Variants in UBASH3A observed in about 807,000 individuals in gnomAD.
UBASH3A encodes the protein ubiquitin-associated and SH3 domain-containing protein A.
In UBASH3A, 63 loss-of-function variants were observed where a neutral mutation model predicts 73.5. The ratio of observed to expected loss-of-function variants is 0.86; its 90% CI spans 0.70 to 1.06. UBASH3A has a LOEUF of 1.06. Among genes scored for constraint, UBASH3A ranks in the 50% least tolerant of loss-of-function variants. The probability of loss-of-function intolerance (pLI) is 0.00; values close to 1 mark genes in which losing one functional copy is unlikely to be tolerated. For synonymous variants in UBASH3A, 363 were observed against 351.1 expected, an observed-to-expected ratio of 1.03 and a Z score of -0.38; for missense variants, 860 against 859.0, an observed-to-expected ratio of 1.00 and a Z score of -0.02.
chr21:42,413,185 C>A lies in UBASH3A; in HGVS notation c.516C>A (p.Phe172Leu). Residue 172 changes from phenylalanine (F) to leucine (L), a missense_variant, in exon 4 of 15, where the codon TTC becomes TTA. Phe to Leu is a conservative substitution (Grantham distance 22). Coordinates refer to ENST00000319294, the MANE Select transcript of UBASH3A (RefSeq NM_018961.4). The surrounding 1 kb of genome is among the most constrained non-coding windows in gnomAD (Gnocchi z 4.5). Reference sequence around the variant, plus strand: ...GCCCCGCAGACGTCATCCGGGAATTCGCCATGACCTTCGCCACGGAAGCAT... The same window carrying A: ...GCCCCGCAGACGTCATCCGGGAATTAGCCATGACCTTCGCCACGGAAGCAT... ...SGSPADVIRE[F>L]AMTFATEASL... 1 of 1,614,232 alleles carries A rather than the reference C, an allele frequency of 6.2e-7. No individual in the cohort carries two copies. Among genetic ancestry groups the A allele is most frequent in the Non-Finnish European group, 8.5e-7 (1 of 1,180,040 alleles).
chr21:42,442,355 C>T (rs2053761536), intron 11 of UBASH3A, 97 bp from the exon 12 acceptor site: 4 of 1,219,086 alleles, frequency 3.3e-6, no homozygotes, highest in Admixed American at 2.0e-5. Flanking sequence ...ATGATTTAGA[C>T]GTGTGTGTGA....
chr21:42,405,626 C>T (rs951208480), intron 1 of UBASH3A, among the ~76,000 whole-genome samples: 15 of 152,202 alleles, frequency 9.9e-5, no homozygotes, highest in African/African-American at 2.7e-4. Flanking sequence ...TCCTCATGGA[C>T]GCCCGCTGTT....
In UBASH3A at chr21:42,413,180, G is replaced by C. The variant is rs1375755082; in HGVS notation, c.511G>C (p.Glu171Gln). The C allele has an allele frequency of 1.2e-6, 2 of 1,614,218 alleles. No individual in the cohort carries two copies. Among genetic ancestry groups the C allele is most frequent in the Non-Finnish European group, 1.7e-6 (2 of 1,180,046 alleles). The change falls in exon 4 of 15, where the codon GAA becomes CAA. Residue 171 changes from glutamate (E) to glutamine (Q), a missense_variant. Physicochemically the swap from Glu to Gln is conservative, Grantham distance 29 (BLOSUM62 2). Transcript: ENST00000319294. This position sits in a 1 kb window ranked among gnomAD's most constrained non-coding sequence, Gnocchi z 4.5. ...TGGCAGCCCCGCAGACGTCATCCGGGAATTCGCCATGACCTTCGCCACGGA... is the reference window on the plus strand; with the variant it reads ...TGGCAGCCCCGCAGACGTCATCCGGCAATTCGCCATGACCTTCGCCACGGA... ...VSGSPADVIR[E>Q]FAMTFATEAS...
At position 42,416,567 on chromosome 21, in the gene UBASH3A, A is replaced by G; in HGVS notation, c.793A>G (p.Thr265Ala). The change falls in exon 6 of 15, where the codon ACC (threonine) becomes GCC (alanine). Residue 265 changes from threonine (T) to alanine (A), a missense_variant. Physicochemically the swap from Thr to Ala is moderately conservative, Grantham distance 58 (BLOSUM62 0). Transcript: ENST00000319294. ...CCCCCTGGGCCACAGCTGCCAGTGGACCGCAGCACTCTACTCCCGAGACAT... is the reference window on the plus strand; with the variant it reads ...CCCCCTGGGCCACAGCTGCCAGTGGGCCGCAGCACTCTACTCCCGAGACAT... ...AIPLGHSCQWTAALYSRDMRF... is the reference protein window; with the variant it reads ...AIPLGHSCQWAAALYSRDMRF... The G allele has an allele frequency of 1.2e-6, 2 of 1,608,268 alleles. No homozygotes were observed. The highest frequency in any genetic ancestry group is 1.1e-5 in the South Asian group (1 of 90,032).
chr21:42,409,345 A>C, intron 2 of UBASH3A, 77 bp from the exon 3 acceptor site: 1 of 1,419,084 alleles, frequency 7.0e-7, no homozygotes, highest in Non-Finnish European at 9.5e-7. Context: ...TGTCATTGTC[A>C]TTCTGTTGTG....
intron 13 of UBASH3A, 143 bp from the exon 14 acceptor site, chr21:42,444,391 C>A (rs1323802277): frequency 5.8e-6 from 4 of 693,226 alleles, no homozygotes; most frequent in Non-Finnish European, 1.0e-5. Context: ...CGGTTACCAG[C>A]CACACTACTT....
In UBASH3A at chr21:42,432,099, C is replaced by G. The variant is rs747885284; in HGVS notation, c.1171-4C>G. The G allele has an allele frequency of 3.7e-6, 6 of 1,607,674 alleles. No individual in the cohort carries two copies. The highest frequency in any genetic ancestry group is 1.3e-5 in the African/African-American group (1 of 74,790). ...TGTGCCTTGCTTCCTGCCCCACCCC[C>G]CAGGCTACCGTTGCAAGGAAGAGCG... On this transcript the variant is annotated splice_region_variant and splice_polypyrimidine_tract_variant and intron_variant, in intron 8 of 14. Coordinates refer to ENST00000319294, the MANE Select transcript of UBASH3A (RefSeq NM_018961.4).
At chr21:42,422,697 A>T (rs1384778813) in intron 7 of UBASH3A, among the ~76,000 whole-genome samples, 2 of 152,262 alleles carry the variant, frequency 1.3e-5, no homozygotes, top group Admixed American at 1.3e-4. Flanking sequence ...AATTTTATAT[A>T]TTGATTTGAA....
At position 42,417,797 on chromosome 21, in the gene UBASH3A, A is replaced by G. The variant is rs145937467; in HGVS notation, c.838-604A>G. 1.5e-4 allele frequency among the ~76,000 whole-genome samples: 22 copies of G among 151,708 alleles called. No homozygotes were observed. The East Asian group carries it at 4.1e-3, about 28-fold the overall frequency. ...TGTGAAAGTCTGCTTATGCCTTCAGATCTTTTGTAGACAAAAAAGTACCTA... is the reference window on the plus strand; with the variant it reads ...TGTGAAAGTCTGCTTATGCCTTCAGGTCTTTTGTAGACAAAAAAGTACCTA... On this transcript the variant is annotated intron_variant, in intron 6 of 14. Coordinates refer to ENST00000319294, the MANE Select transcript of UBASH3A (RefSeq NM_018961.4).
intron 9 of UBASH3A, among the ~76,000 whole-genome samples, chr21:42,433,042 A>T (rs191001923): frequency 6.6e-6 from 1 of 152,364 alleles, no homozygotes; most frequent in African/African-American, 2.4e-5. Flanking sequence ...CACCTTGTCC[A>T]TGGTGGGGAG....
At chr21:42,437,625 G>T (rs764117667) in intron 11 of UBASH3A, 45 bp downstream of exon 11, 1 of 1,553,622 alleles carries the variant, frequency 6.4e-7, no homozygotes, top group Non-Finnish European at 8.9e-7. Flanking sequence ...CTTGACCTTG[G>T]GGCTATTCTC....
chr21:42,432,029 G>A, intron 8 of UBASH3A, 74 bp from the exon 9 acceptor site: 2 of 851,726 alleles, frequency 2.3e-6, no homozygotes, highest in Non-Finnish European at 3.9e-6. Flanking sequence ...GTGACTGGGA[G>A]AGCTGCCATT....
At chr21:42,422,987 T>C (rs192410684) in intron 7 of UBASH3A, among the ~76,000 whole-genome samples, 1 of 152,346 alleles carries the variant, frequency 6.6e-6, no homozygotes, top group Non-Finnish European at 1.5e-5. Flanking sequence ...TCATAATGTT[T>C]AAATGTATGA....
At chr21:42,428,121 G>A (rs1049439716) in intron 8 of UBASH3A, among the ~76,000 whole-genome samples, 4 of 152,122 alleles carry the variant, frequency 2.6e-5, no homozygotes, top group South Asian at 2.1e-4. Flanking sequence ...GGACACCACC[G>A]GCAAGCCCCA....
intron 3 of UBASH3A, among the ~76,000 whole-genome samples, chr21:42,411,320 A>G (rs1046889752): frequency 2.0e-5 from 3 of 151,712 alleles, no homozygotes; most frequent in African/African-American, 7.3e-5. Context: ...CACACACAGG[A>G]ATACACAGAT....
At chr21:42,440,232 C>G (rs1038327195) in intron 11 of UBASH3A, among the ~76,000 whole-genome samples, 6 of 152,198 alleles carry the variant, frequency 3.9e-5, no homozygotes, top group Middle Eastern at 3.2e-3. Flanking sequence ...CAGGACGTGG[C>G]CTTTCCAGCT....
intron 5 of UBASH3A, among the ~76,000 whole-genome samples, chr21:42,415,294 T>G (rs2053179021): frequency 6.6e-6 from 1 of 151,968 alleles, no homozygotes; most frequent in African/African-American, 2.4e-5. Context: ...CCCCGACTGC[T>G]AAAAACAAAA....
In UBASH3A at chr21:42,418,408, G is replaced by C. The variant is rs776773663; in HGVS notation, c.845G>C (p.Arg282Thr). 6.2e-7 allele frequency: 1 copy of C among 1,611,762 alleles called. No homozygotes were observed. Among genetic ancestry groups the C allele is most frequent in the Non-Finnish European group, 8.5e-7 (1 of 1,178,076 alleles). The change falls in exon 7 of 15, where the codon AGA becomes ACA. Residue 282 changes from arginine (R) to threonine (T), a missense_variant. By Grantham distance (71) the Arg-to-Thr change is moderately conservative. Transcript: ENST00000319294. ...DMRFVHYQTL[R>T]ALFQYKPQNV... ...CCTTTGCCTCTTTTCTAGACCCTGA[G>C]AGCCCTATTCCAGTACAAACCCCAG...
At chr21:42,407,853 T>C (rs2053009711) in intron 2 of UBASH3A, among the ~76,000 whole-genome samples, 1 of 152,252 alleles carries the variant, frequency 6.6e-6, no homozygotes. Context: ...AATTTAGATG[T>C]TCATCAATGC....
Sources: gnomAD v4.1 joint callset for allele counts (sites outside exome capture counted in the v4.1 genomes callset) on GRCh38, gnomAD v4.1.1 for gene constraint, Gnocchi (gnomAD v3.1) non-coding constraint, MANE v1.5 for transcripts, NCBI Gene and HGNC (gene_info 2026-07-23, HGNC 2026-07-21) for gene names.